GCKR: variants seen among roughly 807,000 people sequenced by gnomAD.
GCKR encodes glucokinase regulator, also known as glucokinase regulatory protein.
In GCKR, 73 loss-of-function variants were observed where a neutral mutation model predicts 82.9. That is an observed-to-expected ratio of 0.88 (90% CI 0.73 to 1.07). The LOEUF (loss-of-function observed/expected upper bound fraction) is 1.07, where lower values mean the gene tolerates loss of function less well. Among genes scored for constraint, GCKR ranks in the 50% least tolerant of loss-of-function variants. The probability of loss-of-function intolerance (pLI) is 0.00; values close to 1 mark genes in which losing one functional copy is unlikely to be tolerated. For missense variants in GCKR, 784 were observed against 782.1 expected (o/e 1.00, Z -0.03); for synonymous variants, 294 against 291.8 (o/e 1.01, Z -0.08).
chr2:27,509,226 T>C (rs1669821603), intron 16 of GCKR, among the ~76,000 whole-genome samples: 1 of 152,200 alleles, frequency 6.6e-6, no homozygotes, highest in South Asian at 2.1e-4. Context: ...GTCAGAAGTT[T>C]CCTGGCTTGA....
At chr2:27,510,341 C>T (rs1558439477) in intron 16 of GCKR, among the ~76,000 whole-genome samples, 1 of 152,128 alleles carries the variant, frequency 6.6e-6, no homozygotes, top group Non-Finnish European at 1.5e-5. Flanking sequence ...ATGTAATATT[C>T]CACTGTATAG....
chr2:27,519,027 G>A, intron 17 of GCKR, 90 bp downstream of exon 17: 1 of 1,202,836 alleles, frequency 8.3e-7, no homozygotes, highest in Non-Finnish European at 1.2e-6. Context: ...ATGGAAATGT[G>A]CAAGGGTACA....
chr2:27,498,314 C>T lies in GCKR; in HGVS notation c.345C>T (p.Phe115=). 1.9e-6 allele frequency: 3 copies of T among 1,612,308 alleles called. No homozygotes were observed. Among genetic ancestry groups the T allele is most frequent in the Non-Finnish European group, 2.5e-6 (3 of 1,178,370 alleles). Residue 115 remains phenylalanine, a synonymous_variant, in exon 4 of 19, where the codon TTC becomes TTT. Transcript: ENST00000264717. ...SGGGTSGRMA[F]LMSVSFNQLM... Reference sequence around the variant, plus strand: ...GGGGCACCTCTGGCCGGATGGCATTCCTCATGTCGGTGAGCACCCTGGTCT... The same window carrying T: ...GGGGCACCTCTGGCCGGATGGCATTTCTCATGTCGGTGAGCACCCTGGTCT...
Position 27,518,829 on chromosome 2 carries a change from A to G in GCKR, c.1464A>G (p.Thr488=), listed in dbSNP as rs1469420939. 6.8e-6 allele frequency: 11 copies of G among 1,612,158 alleles called. No individual in the cohort carries two copies. The highest frequency in any genetic ancestry group is 9.3e-6 in the Non-Finnish European group (11 of 1,178,300). Residue 488 remains threonine, a synonymous_variant, in exon 17 of 19, where the codon ACA becomes ACG. Coordinates refer to ENST00000264717, the MANE Select transcript of GCKR (RefSeq NM_001486.4). Reference sequence around the variant, plus strand: ...TAAGCACCAAATGGGTGCTGAATACAGTGAGTACAGGTGCTCATGTGCTTC... The same window carrying G: ...TAAGCACCAAATGGGTGCTGAATACGGTGAGTACAGGTGCTCATGTGCTTC... ...RELSTKWVLN[T]VSTGAHVLLG... is the part of the protein sequence containing the mutation.
Position 27,518,908 on chromosome 2 carries a change from C to G in GCKR, c.1543C>G (p.Leu515Val), listed in dbSNP as rs1670080544. Residue 515 changes from leucine (L) to valine (V), a missense_variant, in exon 17 of 19, where the codon CTC becomes GTC. Physicochemically the swap from Leu to Val is conservative, Grantham distance 32 (BLOSUM62 1). Transcript: ENST00000264717. ...GGACCTTCGGATTAGCAACTCCAAG[C>G]TCTTCTGGCGGGCGCTGGCCATGCT... is the stretch of plus-strand genomic sequence containing the variant. ...MLDLRISNSK[L>V]FWRALAMLQR... The G allele has an allele frequency of 6.2e-7, 1 of 1,612,506 alleles. No homozygotes were observed. Among genetic ancestry groups the G allele is most frequent in the Non-Finnish European group, 8.5e-7 (1 of 1,179,114 alleles).
chr2:27,519,491 AG>A (rs1297942846), intron 17 of GCKR, among the ~76,000 whole-genome samples: 1 of 151,994 alleles, frequency 6.6e-6, no homozygotes, highest in Non-Finnish European at 1.5e-5. Context: ...TAGCAGAGAC[AG>A]GGTTTTGCCA....
At chr2:27,497,768 C>T in intron 3 of GCKR, 138 bp downstream of exon 3, 1 of 676,366 alleles carries the variant, frequency 1.5e-6, no homozygotes, top group South Asian at 1.7e-5. Context: ...TCCTTATTTT[C>T]ATCTTATTAA....
At position 27,497,310 on chromosome 2, in the gene GCKR, A is replaced by G. The variant is rs149205795; in HGVS notation, c.127A>G (p.Lys43Glu). 108 of 1,613,996 alleles carry G rather than the reference A, an allele frequency of 6.7e-5. No homozygotes were observed. Among genetic ancestry groups the G allele is most frequent in the Admixed American group, 2.5e-4 (15 of 60,012 alleles). ...KSNPLTQDLD[K>E]ADAENIVRLL... ...AAACCCACTGACCCAGGATCTAGACAAAGCAGATGCTGAGAACATTGTTCG... is the reference window on the plus strand; with the variant it reads ...AAACCCACTGACCCAGGATCTAGACGAAGCAGATGCTGAGAACATTGTTCG... The change falls in exon 2 of 19, where the codon AAA becomes GAA. Residue 43 changes from lysine (K) to glutamate (E), a missense_variant. Lys to Glu is a moderately conservative substitution (Grantham distance 56). Transcript: ENST00000264717.
At position 27,519,084 on chromosome 2, in the gene GCKR, C is replaced by T. The variant is rs1027044101; in HGVS notation, c.1572+147C>T. 2.2e-5 allele frequency: 15 copies of T among 688,580 alleles called. 1 individual carries two copies. In the African/African-American group the frequency reaches 2.5e-4, roughly 11 times the overall value. The allele number at this position is 688,580 out of a possible 1,614,324, so 42.7% of individuals were successfully genotyped here. On this transcript the variant is annotated intron_variant, in intron 17 of 18. Coordinates refer to ENST00000264717, the MANE Select transcript of GCKR (RefSeq NM_001486.4). ...CTGCTCCTCCTATTAGGTGCATCTT[C>T]CCCTTAAGGAGTGTGTGTGCACACA...
At position 27,523,545 on chromosome 2, in the gene GCKR, T is replaced by C. The variant is rs1161179549; in HGVS notation, c.*106T>C. On this transcript the variant is annotated 3_prime_UTR_variant, in exon 19 of 19. Transcript: ENST00000264717. The stretch of plus-strand genomic sequence containing the variant: ...AACATGTGGGAGGAAGAAGCCCCGT[T>C]TCCAGGGCATCCGCAGCCCAGGGTA... The C allele has an allele frequency of 8.8e-7, 1 of 1,140,476 alleles. No homozygotes were observed. Among genetic ancestry groups the C allele is most frequent in the East Asian group, 2.4e-5 (1 of 42,218 alleles). 70.6% of individuals were successfully genotyped at this position (1,140,476 alleles called of 1,614,324 possible).
intron 16 of GCKR, among the ~76,000 whole-genome samples, chr2:27,511,605 A>G (rs1172507205): frequency 6.6e-6 from 1 of 151,976 alleles, no homozygotes; most frequent in African/African-American, 2.4e-5. Flanking sequence ...AGGCTGAGGC[A>G]GGAGAAGCCG....
At chr2:27,504,424 C>G (rs891007711) in intron 9 of GCKR, among the ~76,000 whole-genome samples, 1 of 150,308 alleles carries the variant, frequency 6.7e-6, no homozygotes, top group African/African-American at 2.5e-5. Context: ...ATGGCCTGAT[C>G]TTGGCTCACT....
intron 13 of GCKR, 89 bp downstream of exon 13, chr2:27,507,400 G>A: frequency 1.2e-6 from 1 of 866,758 alleles, no homozygotes; most frequent in African/African-American, 1.6e-5. Context: ...TAGGTGGGAA[G>A]TTCATTGGAA....
At chr2:27,508,779 C>T (rs1228856226) in intron 16 of GCKR, among the ~76,000 whole-genome samples, 5 of 152,100 alleles carry the variant, frequency 3.3e-5, no homozygotes, top group Non-Finnish European at 7.4e-5. Flanking sequence ...TCCCAAAGTA[C>T]TGGGATTACA....
intron 16 of GCKR, among the ~76,000 whole-genome samples, chr2:27,517,154 C>T (rs1670030250): frequency 6.6e-6 from 1 of 151,856 alleles, no homozygotes; most frequent in African/African-American, 2.4e-5. Flanking sequence ...CTCTGACTTA[C>T]AGGTGCTTGC....
chr2:27,502,912 C>T (rs905771147), intron 8 of GCKR, among the ~76,000 whole-genome samples: 13 of 152,168 alleles, frequency 8.5e-5, no homozygotes, highest in Non-Finnish European at 1.6e-4. Flanking sequence ...TTTGAGATTC[C>T]GTGATTTGTA....
At chr2:27,506,703 T>G in intron 11 of GCKR, 85 bp from the exon 12 acceptor site, 1 of 1,100,182 alleles carries the variant, frequency 9.1e-7, no homozygotes, top group Non-Finnish European at 1.4e-6. Context: ...GGGTCATGGT[T>G]TGTTGACTCC....
At position 27,497,299 on chromosome 2, in the gene GCKR, A is replaced by C. The variant is rs1558432233; in HGVS notation, c.116A>C (p.Gln39Pro). ...ACGGAGAAGTCAAACCCACTGACCC[A>C]GGATCTAGACAAAGCAGATGCTGAG... ...PITEKSNPLT[Q>P]DLDKADAENI... Residue 39 changes from glutamine to proline, a missense_variant, in exon 2 of 19, where the codon CAG becomes CCG. Transcript: ENST00000264717. 25 of 1,614,192 alleles carry C rather than the reference A, an allele frequency of 1.5e-5. No homozygotes were observed. The highest frequency in any genetic ancestry group is 2.1e-5 in the Non-Finnish European group (25 of 1,179,996).
Position 27,499,649 on chromosome 2 carries a change from CTG to C in GCKR, c.549+203_549+204del, listed in dbSNP as rs200230147. Among the ~76,000 whole-genome samples the C allele has an allele frequency of 7.1e-3, 1,085 of 152,330 alleles. 3 individuals carry two copies. Among genetic ancestry groups the C allele is most frequent in the Non-Finnish European group, 0.012 (850 of 68,032 alleles). Reference sequence around the variant, plus strand: ...GGGAAGGGATTCTATTTCAGAATAACTGTGTATCAATCAATCAACAACCAAGA... The same window carrying C: ...GGGAAGGGATTCTATTTCAGAATAACTGTATCAATCAATCAACAACCAAGA... On this transcript the variant is annotated intron_variant, in intron 7 of 18. Transcript: ENST00000264717.
Sources: gnomAD v4.1 joint callset for allele counts (sites outside exome capture counted in the v4.1 genomes callset) on GRCh38, gnomAD v4.1.1 for gene constraint, MANE v1.5 for transcripts, NCBI Gene and HGNC (gene_info 2026-07-23, HGNC 2026-07-21) for gene names.